Variants in EPHA6 observed in about 807,000 individuals in gnomAD.
The protein encoded by EPHA6 is ephrin type-A receptor 6.
In EPHA6, 50 loss-of-function variants were observed where a neutral mutation model predicts 112.0. That is an observed-to-expected ratio of 0.45 (90% CI 0.36 to 0.56). The LOEUF (loss-of-function observed/expected upper bound fraction) is 0.56. EPHA6 is among the 20% of genes least tolerant of loss of function. The probability of loss-of-function intolerance (pLI) is 0.00; values close to 1 mark genes in which losing one functional copy is unlikely to be tolerated. For synonymous variants in EPHA6, 529 were observed against 490.7 expected (o/e 1.08, Z -1.03); for missense variants, 1,280 against 1,417.4 (o/e 0.90, Z 1.56).
chr3:97,415,825 A>G (rs916752298), intron 6 of EPHA6, among the ~76,000 whole-genome samples: 7 of 152,104 alleles, frequency 4.6e-5, no homozygotes, highest in Admixed American at 1.3e-4. Context: ...AAAACTCAAC[A>G]ATATGCCTGC....
chr3:96,968,448 T>TATTTC (rs991792541), intron 2 of EPHA6, among the ~76,000 whole-genome samples: 1 of 151,446 alleles, frequency 6.6e-6, no homozygotes, highest in African/African-American at 2.4e-5. Context: ...CTTCAAAAAA[T>TATTTC]ATTTCATAAA....
intron 13 of EPHA6, among the ~76,000 whole-genome samples, chr3:97,622,288 G>T (rs563673706): frequency 1.4e-4 from 22 of 151,770 alleles, no homozygotes; most frequent in South Asian, 8.3e-4. Context: ...ACAGCATTCC[G>T]CTGTCTGTCT....
At chr3:97,040,636 A>G (rs909284582) in intron 3 of EPHA6, among the ~76,000 whole-genome samples, 1 of 152,082 alleles carries the variant, frequency 6.6e-6, no homozygotes, top group South Asian at 2.1e-4. Context: ...TAACATAGCT[A>G]TAATGATCCA....
chr3:96,914,952 CTT>C (rs1349368711), intron 2 of EPHA6, among the ~76,000 whole-genome samples: 2 of 151,346 alleles, frequency 1.3e-5, no homozygotes, highest in South Asian at 4.2e-4. Context: ...GATAAAAAAA[CTT>C]TTATGCAGGT....
At chr3:97,354,776 GT>G (rs1049281954) in intron 5 of EPHA6, among the ~76,000 whole-genome samples, 1 of 152,054 alleles carries the variant, frequency 6.6e-6, no homozygotes, top group Non-Finnish European at 1.5e-5. Flanking sequence ...CACCAAGCAG[GT>G]TTAACCCAAA....
intron 2 of EPHA6, among the ~76,000 whole-genome samples, chr3:96,870,896 TAAG>T (rs1311785968): frequency 6.6e-6 from 1 of 152,058 alleles, no homozygotes; most frequent in East Asian, 1.9e-4. Context: ...TTTCATATAG[TAAG>T]AAGTAATTCA....
intron 14 of EPHA6, among the ~76,000 whole-genome samples, chr3:97,644,466 C>CA (rs1269121917): frequency 1.3e-5 from 2 of 151,080 alleles, no homozygotes; most frequent in South Asian, 2.1e-4. Flanking sequence ...AATAGAGACA[C>CA]AAAAAACCCT....
At chr3:96,830,772 T>C (rs1027087756) in intron 1 of EPHA6, among the ~76,000 whole-genome samples, 7 of 151,278 alleles carry the variant, frequency 4.6e-5, no homozygotes, top group African/African-American at 1.7e-4. Flanking sequence ...TTCTTAGGGG[T>C]AAGGGGAAAT....
At chr3:97,381,756 G>A (rs1200420387) in intron 5 of EPHA6, among the ~76,000 whole-genome samples, 1 of 152,032 alleles carries the variant, frequency 6.6e-6, no homozygotes. Flanking sequence ...GAGGTATCCT[G>A]GAGCATCAAA....
chr3:96,838,373 T>C (rs1053137413), intron 1 of EPHA6, among the ~76,000 whole-genome samples: 1 of 152,126 alleles, frequency 6.6e-6, no homozygotes, highest in Non-Finnish European at 1.5e-5. Context: ...CAGGCATGTG[T>C]CTTTATAATA....
rs1052957897 is a variant in EPHA6, at chr3:96,874,503, A to G, written c.450+7614A>G. Among the ~76,000 whole-genome samples, 20 of 152,216 alleles carry G rather than the reference A, an allele frequency of 1.3e-4. No individual in the cohort carries two copies. The South Asian group carries it at 3.9e-3, about 30-fold the overall frequency. ...AAATATGGACTAGTCTAGTCCAAAA[A>G]ACTTATAGAAATAATTACATTTGAA... On this transcript the variant is annotated intron_variant, in intron 2 of 17. Transcript: ENST00000389672.
chr3:96,983,342 G>T (rs538639273), intron 2 of EPHA6, among the ~76,000 whole-genome samples: 1 of 152,248 alleles, frequency 6.6e-6, no homozygotes, highest in African/African-American at 2.4e-5. Flanking sequence ...GAAATTCTGG[G>T]TTGTAAATTC....
At chr3:97,565,817 G>C (rs746442490) in intron 11 of EPHA6, among the ~76,000 whole-genome samples, 3 of 152,018 alleles carry the variant, frequency 2.0e-5, no homozygotes, top group Admixed American at 6.6e-5. Context: ...AAGAGATCAA[G>C]ACCATCCTGA....
At chr3:97,030,117 A>G (rs2044775008) in intron 3 of EPHA6, among the ~76,000 whole-genome samples, 1 of 152,150 alleles carries the variant, frequency 6.6e-6, no homozygotes, top group African/African-American at 2.4e-5. Context: ...TGCAAAAAAT[A>G]TCTTTCCTTT....
At position 97,187,260 on chromosome 3, in the gene EPHA6, G is replaced by A. The variant is rs116328713; in HGVS notation, c.1115-39004G>A. On this transcript the variant is annotated intron_variant, in intron 3 of 17. Coordinates refer to ENST00000389672, the MANE Select transcript of EPHA6 (RefSeq NM_001080448.3). ...AATAGAAAAATTAGAATAATGTGATGGCTCTTGATACTTCTACTTAGGAAT... is the reference window on the plus strand; with the variant it reads ...AATAGAAAAATTAGAATAATGTGATAGCTCTTGATACTTCTACTTAGGAAT... Among the ~76,000 whole-genome samples the A allele has an allele frequency of 4.9e-3, 740 of 152,092 alleles. 6 individuals are homozygous for A. The highest frequency in any genetic ancestry group is 0.016 in the African/African-American group (653 of 41,512).
chr3:97,459,597 C>G (rs1450326247), intron 7 of EPHA6, among the ~76,000 whole-genome samples: 1 of 152,162 alleles, frequency 6.6e-6, no homozygotes, highest in Admixed American at 6.5e-5. Context: ...GTTTTGGAGA[C>G]AGGCAATCCA....
intron 3 of EPHA6, among the ~76,000 whole-genome samples, chr3:97,054,677 A>T (rs1576401219): frequency 6.6e-6 from 1 of 150,752 alleles, no homozygotes; most frequent in East Asian, 2.0e-4. Context: ...ACAATCAATA[A>T]TAAGAAAGAA....
chr3:96,869,965 A>C (rs1018196409), intron 2 of EPHA6, among the ~76,000 whole-genome samples: 1 of 152,050 alleles, frequency 6.6e-6, no homozygotes, highest in Non-Finnish European at 1.5e-5. Context: ...TCTGACTTAG[A>C]TGATCACTAG....
At chr3:97,089,628 C>T (rs1257802190) in intron 3 of EPHA6, among the ~76,000 whole-genome samples, 1 of 152,154 alleles carries the variant, frequency 6.6e-6, no homozygotes, top group African/African-American at 2.4e-5. Context: ...TCAAAACGAT[C>T]TATGCCTGTT....
Sources: gnomAD v4.1 joint callset for allele counts (sites outside exome capture counted in the v4.1 genomes callset) on GRCh38, gnomAD v4.1.1 for gene constraint, MANE v1.5 for transcripts, NCBI Gene and HGNC (gene_info 2026-07-23, HGNC 2026-07-21) for gene names.